WWOX: variants seen among roughly 807,000 people sequenced by gnomAD.
The protein encoded by WWOX is WW domain containing oxidoreductase.
WWOX carries 69 observed loss-of-function variants against 46.2 expected under a neutral mutation model. The observed-to-expected ratio is 1.49, with a 90% CI of 1.23 to 1.82. The LOEUF is 1.82. WWOX is among the 40% of genes most tolerant of loss of function. The probability of loss-of-function intolerance (pLI) is 0.00; values close to 1 mark genes in which losing one functional copy is unlikely to be tolerated. For missense variants in WWOX, 919 were observed against 542.6 expected (o/e 1.69, Z -6.89); for synonymous variants, 359 against 202.6 (o/e 1.77, Z -6.56).
chr16:78,197,205 G>T (rs1358204146), intron 5 of WWOX, among the ~76,000 whole-genome samples: 3 of 152,234 alleles, frequency 2.0e-5, no homozygotes, highest in African/African-American at 4.8e-5. Flanking sequence ...CTCAGCCAGG[G>T]TCCGTCAGCT....
At chr16:79,068,934 C>T (rs973294890) in intron 8 of WWOX, among the ~76,000 whole-genome samples, 59 of 151,920 alleles carry the variant, frequency 3.9e-4, no homozygotes, top group African/African-American at 1.0e-3. Context: ...CACGCTTAAC[C>T]GATTCCCAGC....
intron 8 of WWOX, among the ~76,000 whole-genome samples, chr16:79,022,148 G>A (rs2047546544): frequency 6.6e-6 from 1 of 152,182 alleles, no homozygotes; most frequent in South Asian, 2.1e-4. Context: ...AAAGCACCAA[G>A]CAATTTGCTT....
At chr16:78,930,735 C>G (rs112370328) in intron 8 of WWOX, among the ~76,000 whole-genome samples, 1,760 of 151,958 alleles carry the variant, frequency 0.012, 33 homozygotes, top group African/African-American at 0.04. Context: ...TAAAGTTGAG[C>G]AGAAGAACTC....
intron 5 of WWOX, among the ~76,000 whole-genome samples, chr16:78,374,640 C>A (rs1336879555): frequency 6.1e-5 from 9 of 147,282 alleles, no homozygotes. Context: ...GCTCCGCCTC[C>A]TCGGTTCATG....
chr16:78,533,218 G>T (rs895982421), intron 8 of WWOX, among the ~76,000 whole-genome samples: 1 of 152,102 alleles, frequency 6.6e-6, no homozygotes, highest in Non-Finnish European at 1.5e-5. Context: ...ACGGAGAGGG[G>T]ACAGGAGGTG....
intron 1 of WWOX, among the ~76,000 whole-genome samples, chr16:78,103,403 A>T (rs1262534764): frequency 6.6e-6 from 1 of 151,728 alleles, no homozygotes; most frequent in Admixed American, 6.6e-5. Flanking sequence ...TTAGCTATTT[A>T]TTGTATACAC....
chr16:78,789,659 G>T (rs546274583), intron 8 of WWOX, among the ~76,000 whole-genome samples: 14 of 152,072 alleles, frequency 9.2e-5, no homozygotes, highest in African/African-American at 3.4e-4. Context: ...TGAATTTTAA[G>T]ATCAATATAA....
In WWOX at chr16:78,732,558, C is replaced by T. The variant is rs1184127055; in HGVS notation, c.1056+299806C>T. On this transcript the variant is annotated intron_variant, in intron 8 of 8. Coordinates refer to ENST00000566780, the MANE Select transcript of WWOX (RefSeq NM_016373.4). Reference sequence around the variant, plus strand: ...GAATAGCGCATGTGGTAGATTTACACTTCAAAGTCTTTGGGTAATTTGATA... The same window carrying T: ...GAATAGCGCATGTGGTAGATTTACATTTCAAAGTCTTTGGGTAATTTGATA... Among the ~76,000 whole-genome samples the T allele has an allele frequency of 2.0e-5, 3 of 152,100 alleles. No individual in the cohort carries two copies. The South Asian group carries it at 6.2e-4, about 32-fold the overall frequency.
At chr16:78,316,478 G>T (rs975645500) in intron 5 of WWOX, among the ~76,000 whole-genome samples, 11 of 152,058 alleles carry the variant, frequency 7.2e-5, no homozygotes, top group African/African-American at 2.2e-4. Context: ...GAGTAGCTGG[G>T]ATTACAGGTG....
intron 5 of WWOX, among the ~76,000 whole-genome samples, chr16:78,196,217 G>A (rs758518168): frequency 6.6e-6 from 1 of 152,198 alleles, no homozygotes; most frequent in African/African-American, 2.4e-5. Flanking sequence ...TAATTTGAAT[G>A]TATTGCAAGC....
chr16:79,045,862 C>T (rs1010823295), intron 8 of WWOX, among the ~76,000 whole-genome samples: 12 of 122,488 alleles, frequency 9.8e-5, no homozygotes, highest in African/African-American at 3.4e-4. Flanking sequence ...AGTGCAGTGG[C>T]ACAATCTCAG....
intron 4 of WWOX, among the ~76,000 whole-genome samples, chr16:78,141,558 A>G (rs1456158698): frequency 6.6e-6 from 1 of 151,912 alleles, no homozygotes; most frequent in Non-Finnish European, 1.5e-5. Flanking sequence ...AGGGGAGGAA[A>G]GGATTGTTCA....
intron 8 of WWOX, among the ~76,000 whole-genome samples, chr16:78,626,529 G>T (rs938640852): frequency 6.6e-6 from 1 of 152,084 alleles, no homozygotes; most frequent in African/African-American, 2.4e-5. Context: ...TCATCACATC[G>T]TATCAAGCAT....
chr16:78,800,535 T>G (rs11860793), intron 8 of WWOX, among the ~76,000 whole-genome samples: 50,739 of 152,018 alleles, frequency 0.33, 9,243 homozygotes, highest in African/African-American at 0.46. Context: ...TATATGGTCA[T>G]AATTAGCCTG....
Position 79,149,277 on chromosome 16 carries a change from G to C in WWOX, c.1057-62331G>C, listed in dbSNP as rs78007168. On this transcript the variant is annotated intron_variant, in intron 8 of 8. Coordinates refer to ENST00000566780, the MANE Select transcript of WWOX (RefSeq NM_016373.4). Reference sequence around the variant, plus strand: ...GTGTACTTTTTATCAACTGCTTTTTGTATGCCAATCTATATGATCATATGA... The same window carrying C: ...GTGTACTTTTTATCAACTGCTTTTTCTATGCCAATCTATATGATCATATGA... 3.7e-3 allele frequency among the ~76,000 whole-genome samples: 570 copies of C among 152,180 alleles called. 3 individuals are homozygous for C. Among genetic ancestry groups the C allele is most frequent in the African/African-American group, 0.013 (546 of 41,530 alleles).
At chr16:78,700,067 C>A (rs2048179805) in intron 8 of WWOX, among the ~76,000 whole-genome samples, 1 of 152,034 alleles carries the variant, frequency 6.6e-6, no homozygotes, top group African/African-American at 2.4e-5. Flanking sequence ...GCTGGCTACA[C>A]CCTCAGTAAG....
At chr16:79,188,522 A>G (rs2051064847) in intron 8 of WWOX, among the ~76,000 whole-genome samples, 2 of 152,194 alleles carry the variant, frequency 1.3e-5, no homozygotes, top group East Asian at 1.9e-4. Context: ...CAGATGACTA[A>G]TTGGAATGCC....
chr16:78,523,463 G>A (rs567038945), intron 8 of WWOX, among the ~76,000 whole-genome samples: 1 of 152,294 alleles, frequency 6.6e-6, no homozygotes, highest in Non-Finnish European at 1.5e-5. Context: ...TTGGGGAGCT[G>A]AAGGTCACGG....
chr16:78,519,415 T>C (rs1597203649), intron 8 of WWOX, among the ~76,000 whole-genome samples: 1 of 152,158 alleles, frequency 6.6e-6, no homozygotes, highest in African/African-American at 2.4e-5. Context: ...GACCTTTCCA[T>C]GGAAGGTAAA....
Sources: gnomAD v4.1 joint callset for allele counts (sites outside exome capture counted in the v4.1 genomes callset) on GRCh38, gnomAD v4.1.1 for gene constraint, MANE v1.5 for transcripts, NCBI Gene and HGNC (gene_info 2026-07-23, HGNC 2026-07-21) for gene names.